ALKBH8: variants seen among roughly 807,000 people sequenced by gnomAD.
ALKBH8 encodes the protein tRNA (carboxymethyluridine(34)-5-O)-methyltransferase ALKBH8.
Under a neutral mutation model 59.8 loss-of-function variants are expected in ALKBH8, and 36 were observed. The observed-to-expected ratio is 0.60, with a 90% CI of 0.46 to 0.79. The LOEUF is 0.79. Ranked by LOEUF, ALKBH8 falls within the 30% of genes least tolerant of loss-of-function variation. ALKBH8 has a pLI of 0.00. For missense variants in ALKBH8, 768 were observed against 801.0 expected (o/e 0.96, Z 0.50); for synonymous variants, 276 against 273.6 (o/e 1.01, Z -0.09).
Position 107,522,294 on chromosome 11 carries a change from C to T in ALKBH8, c.1287+5G>A, listed in dbSNP as rs1863146221. 3.9e-6 allele frequency: 6 copies of T among 1,551,050 alleles called. No individual in the cohort carries two copies. Among genetic ancestry groups the T allele is most frequent in the East Asian group, 4.9e-5 (2 of 40,894 alleles). The stretch of plus-strand genomic sequence containing the variant: ...AAAAAGAAAGTCAAAAGCAACATTA[C>T]TTGCCATATATAACTCCTTATTGAT... On this transcript the variant is annotated splice_donor_5th_base_variant and intron_variant, in intron 10 of 11. Transcript: ENST00000428149.
At chr11:107,540,013 G>A (rs1863974202) in intron 7 of ALKBH8, among the ~76,000 whole-genome samples, 1 of 152,208 alleles carries the variant, frequency 6.6e-6, no homozygotes, top group Non-Finnish European at 1.5e-5. Flanking sequence ...AGTGGGCGAT[G>A]AAGTGTTACG....
At chr11:107,522,206 G>A in intron 10 of ALKBH8, 93 bp downstream of exon 10, 1 of 1,393,480 alleles carries the variant, frequency 7.2e-7, no homozygotes, top group Non-Finnish European at 9.6e-7. Context: ...TTCTGGCAAT[G>A]ATCTAAAAAA....
At chr11:107,539,159 G>A (rs1175875832) in intron 7 of ALKBH8, among the ~76,000 whole-genome samples, 3 of 152,222 alleles carry the variant, frequency 2.0e-5, no homozygotes, top group Non-Finnish European at 4.4e-5. Context: ...AAAAGTAACT[G>A]GAAGAAAAGC....
At chr11:107,533,626 T>G (rs1411077997) in intron 7 of ALKBH8, among the ~76,000 whole-genome samples, 1 of 152,148 alleles carries the variant, frequency 6.6e-6, no homozygotes, top group Admixed American at 6.5e-5. Context: ...ACACCGGAGA[T>G]TAATTCTGAA....
chr11:107,540,376 G>A (rs1202906571), intron 7 of ALKBH8, among the ~76,000 whole-genome samples: 1 of 152,166 alleles, frequency 6.6e-6, no homozygotes, highest in Non-Finnish European at 1.5e-5. Flanking sequence ...CCCAAATACA[G>A]ATGGCTTTGA....
chr11:107,510,918 G>A lies in ALKBH8; in HGVS notation c.1406C>T (p.Ser469Phe), dbSNP rs1862594863. 1.3e-6 allele frequency: 2 copies of A among 1,551,570 alleles called. No homozygotes were observed. The highest frequency in any genetic ancestry group is 1.7e-6 in the Non-Finnish European group (2 of 1,146,912). ...VRSGSCDACI[S>F]IAVIHHFATA... ...TGCAAAATGATGAATAACAGCAATG[G>A]AGATGCAGGCATCACAAGACCCACT... Residue 469 changes from serine to phenylalanine, a missense_variant, in exon 11 of 12, where the codon TCC becomes TTC. Coordinates refer to ENST00000428149, the MANE Select transcript of ALKBH8 (RefSeq NM_138775.3).
chr11:107,533,755 T>C (rs537407221), intron 7 of ALKBH8, among the ~76,000 whole-genome samples: 2 of 152,342 alleles, frequency 1.3e-5, no homozygotes, highest in South Asian at 4.1e-4. Flanking sequence ...AAAGCAAGTA[T>C]ATTAAAATAT....
At chr11:107,553,662 T>C (rs1318167104) in intron 4 of ALKBH8, among the ~76,000 whole-genome samples, 185 bp downstream of exon 4, 1 of 152,160 alleles carries the variant, frequency 6.6e-6, no homozygotes, top group African/African-American at 2.4e-5. Context: ...AGTTAAAATT[T>C]GATAGCTATA....
At chr11:107,530,157 G>C (rs560233568) in intron 8 of ALKBH8, among the ~76,000 whole-genome samples, 59 of 152,208 alleles carry the variant, frequency 3.9e-4, no homozygotes, top group African/African-American at 1.4e-3. Flanking sequence ...GACAACTATT[G>C]CATCAGCCAA....
At chr11:107,530,600 A>ACACAC (rs1863549727) in intron 8 of ALKBH8, among the ~76,000 whole-genome samples, 2 of 132,102 alleles carry the variant, frequency 1.5e-5, no homozygotes, top group African/African-American at 3.0e-5. Context: ...CTCTCTTCCT[A>ACACAC]ACACACACAC....
Position 107,522,331 on chromosome 11 carries a change from T to C in ALKBH8, c.1255A>G (p.Lys419Glu). Reference protein sequence around the residue: ...IVADIGCGNGKYLGINKELYM... With the variant: ...IVADIGCGNGEYLGINKELYM... The stretch of plus-strand genomic sequence containing the variant: ...AACTCCTTATTGATGCCAAGATACT[T>C]TCCATTACCACATCCAATATCAGCC... The change falls in exon 10 of 12, where the codon AAG becomes GAG. Residue 419 changes from lysine to glutamate, a missense_variant. Transcript: ENST00000428149. The C allele has an allele frequency of 6.4e-7, 1 of 1,551,640 alleles. No individual in the cohort carries two copies. The highest frequency in any genetic ancestry group is 8.7e-7 in the Non-Finnish European group (1 of 1,146,950).
chr11:107,545,105 T>C (rs1864196547), intron 7 of ALKBH8, among the ~76,000 whole-genome samples: 1 of 152,174 alleles, frequency 6.6e-6, no homozygotes, highest in African/African-American at 2.4e-5. Context: ...GAAGAGATTG[T>C]TTGGCTTCTG....
intron 7 of ALKBH8, among the ~76,000 whole-genome samples, chr11:107,547,649 C>G (rs1337573700): frequency 7.4e-6 from 1 of 135,890 alleles, no homozygotes; most frequent in Non-Finnish European, 1.6e-5. Context: ...ACATTATAAA[C>G]TTAAAATTAT....
chr11:107,514,060 A>T (rs1394651066), intron 10 of ALKBH8, among the ~76,000 whole-genome samples: 1 of 152,138 alleles, frequency 6.6e-6, no homozygotes, highest in Admixed American at 6.5e-5. Flanking sequence ...TTAAAAAAAA[A>T]ATTTAATCTG....
At chr11:107,538,911 T>C (rs1214843522) in intron 7 of ALKBH8, among the ~76,000 whole-genome samples, 1 of 152,188 alleles carries the variant, frequency 6.6e-6, no homozygotes, top group Non-Finnish European at 1.5e-5. Context: ...AAAAACGATG[T>C]GTGATTCATA....
At position 107,522,503 on chromosome 11, in the gene ALKBH8, T is replaced by C; in HGVS notation, c.1083A>G (p.Pro361=). 6.4e-7 allele frequency: 1 copy of C among 1,551,660 alleles called. No individual in the cohort carries two copies. The highest frequency in any genetic ancestry group is 8.7e-7 in the Non-Finnish European group (1 of 1,146,966). The part of the protein sequence containing the change: ...SQRKETPPSF[P]ESDKEASRLE... ...GCCGTGAGGCTTCTTTATCACTCTC[T>C]GGAAATGAGGGGGGAGTCTCTTTCC... The change falls in exon 10 of 12, where the codon CCA becomes CCG. Residue 361 remains proline (P), a synonymous_variant. Coordinates refer to ENST00000428149, the MANE Select transcript of ALKBH8 (RefSeq NM_138775.3).
intron 10 of ALKBH8, among the ~76,000 whole-genome samples, chr11:107,513,139 G>T (rs1862709763): frequency 6.6e-6 from 1 of 152,156 alleles, no homozygotes; most frequent in South Asian, 2.1e-4. Context: ...GAAAATATTT[G>T]CAAACTATGG....
chr11:107,512,303 G>GGTA (rs1555039417), intron 10 of ALKBH8, among the ~76,000 whole-genome samples: 1 of 8,016 alleles, frequency 1.2e-4, no homozygotes, highest in Non-Finnish European at 3.1e-4. Flanking sequence ...TATTTTAAGG[G>GGTA]TTTTTTTTTG....
intron 4 of ALKBH8, 71 bp downstream of exon 4, chr11:107,553,776 T>G: frequency 6.7e-7 from 1 of 1,501,834 alleles, no homozygotes; most frequent in Non-Finnish European, 9.0e-7. Flanking sequence ...TAATAAACCA[T>G]GAAAGACAGA....
Sources: allele counts gnomAD v4.1 joint callset (sites outside exome capture counted in the v4.1 genomes callset), GRCh38; gene constraint gnomAD v4.1.1; transcripts MANE v1.5; gene names NCBI Gene and HGNC (gene_info 2026-07-23, HGNC 2026-07-21).